DPP10: variants seen among roughly 807,000 people sequenced by gnomAD.
DPP10 encodes the protein inactive dipeptidyl peptidase 10.
Under a neutral mutation model 120.9 loss-of-function variants are expected in DPP10, and 33 were observed. The ratio of observed to expected loss-of-function variants is 0.27; its 90% CI spans 0.21 to 0.37. The LOEUF (loss-of-function observed/expected upper bound fraction) is 0.37, where lower values mean the gene tolerates loss of function less well. Among genes scored for constraint, DPP10 ranks in the 10% least tolerant of loss-of-function variants. DPP10 has a pLI of 1.00. For missense variants in DPP10, 816 were observed against 942.8 expected, an observed-to-expected ratio of 0.87 and a Z score of 1.76; for synonymous variants, 337 against 326.1, an observed-to-expected ratio of 1.03 and a Z score of -0.36.
At chr2:115,020,347 A>G (rs1702981506) in intron 1 of DPP10, among the ~76,000 whole-genome samples, 1 of 152,222 alleles carries the variant, frequency 6.6e-6, no homozygotes, top group South Asian at 2.1e-4. Context: ...ACCAAAAGTG[A>G]GCAGGAGTAG....
intron 3 of DPP10, among the ~76,000 whole-genome samples, chr2:115,486,407 G>T (rs1156822560): frequency 1.3e-5 from 2 of 152,154 alleles, no homozygotes; most frequent in Non-Finnish European, 2.9e-5. Flanking sequence ...ATGCAGTTTA[G>T]ATGTTACTTT....
At position 115,822,025 on chromosome 2, in the gene DPP10, C is replaced by T. The variant is rs547694745; in HGVS notation, c.1950+6296C>T. Among the ~76,000 whole-genome samples the T allele has an allele frequency of 1.1e-4, 17 of 152,032 alleles. 1 individual carries two copies. The highest frequency in any genetic ancestry group is 4.6e-4 in the Admixed American group (7 of 15,276). ...GAGAGTTTCATTTGTTCTACATTTACGCCAACACTTAATATCATCAGTCTT... is the reference window on the plus strand; with the variant it reads ...GAGAGTTTCATTTGTTCTACATTTATGCCAACACTTAATATCATCAGTCTT... On this transcript the variant is annotated intron_variant, in intron 21 of 25. Transcript: ENST00000410059.
chr2:115,729,602 A>AAAATTTTAAAATTTAAAAATT (rs1301872566), intron 8 of DPP10, among the ~76,000 whole-genome samples: 1 of 152,138 alleles, frequency 6.6e-6, no homozygotes, highest in African/African-American at 2.4e-5. Flanking sequence ...TTTCATTTCT[A>AAAATTTTAAAATTTAAAAATT]CTAAAAAATT....
intron 1 of DPP10, among the ~76,000 whole-genome samples, chr2:114,500,190 T>A (rs556421123): frequency 6.6e-6 from 1 of 152,248 alleles, no homozygotes; most frequent in Non-Finnish European, 1.5e-5. Flanking sequence ...AACAGAAGCC[T>A]GCCACACAGT....
At chr2:115,505,366 C>T (rs2148813800) in intron 4 of DPP10, among the ~76,000 whole-genome samples, 1 of 152,210 alleles carries the variant, frequency 6.6e-6, no homozygotes, top group East Asian at 1.9e-4. Context: ...TTGGTTCAAT[C>T]TTGTCTGACA....
At chr2:115,764,290 A>G (rs987748056) in intron 12 of DPP10, among the ~76,000 whole-genome samples, 1 of 152,152 alleles carries the variant, frequency 6.6e-6, no homozygotes, top group Non-Finnish European at 1.5e-5. Flanking sequence ...ATTATAAATA[A>G]TTGTTTGTCT....
Position 115,784,606 on chromosome 2 carries a change from T to C in DPP10, c.1531+2207T>C, listed in dbSNP as rs1683128735. On this transcript the variant is annotated intron_variant, in intron 17 of 25. Coordinates refer to ENST00000410059, the MANE Select transcript of DPP10 (RefSeq NM_020868.6). Reference sequence around the variant, plus strand: ...TGGAATGCAATGGTGTGATCTCAGCTCACCGCAACCTCCACCTCCCAGGTT... The same window carrying C: ...TGGAATGCAATGGTGTGATCTCAGCCCACCGCAACCTCCACCTCCCAGGTT... 3.3e-5 allele frequency among the ~76,000 whole-genome samples: 5 copies of C among 152,184 alleles called. No homozygotes were observed. The South Asian group carries it at 1.0e-3, about 31-fold the overall frequency.
chr2:114,633,307 A>AGTG (rs1366326987), intron 1 of DPP10, among the ~76,000 whole-genome samples: 1 of 122,480 alleles, frequency 8.2e-6, no homozygotes, highest in Non-Finnish European at 1.6e-5. Flanking sequence ...GCTGGAGTGC[A>AGTG]GTGGCACGAT....
At chr2:114,696,734 C>T (rs1327675949) in intron 1 of DPP10, among the ~76,000 whole-genome samples, 3 of 150,746 alleles carry the variant, frequency 2.0e-5, no homozygotes, top group South Asian at 2.1e-4. Flanking sequence ...TGTGTGTGTG[C>T]GCGCGTGCCA....
intron 2 of DPP10, among the ~76,000 whole-genome samples, chr2:115,314,222 C>T (rs1057013983): frequency 5.3e-5 from 8 of 152,178 alleles, no homozygotes; most frequent in African/African-American, 1.9e-4. Flanking sequence ...ATCTGCCATA[C>T]TGAAATAGCC....
At chr2:115,021,358 A>G (rs1237942643) in intron 1 of DPP10, among the ~76,000 whole-genome samples, 2 of 152,136 alleles carry the variant, frequency 1.3e-5, no homozygotes, top group African/African-American at 4.8e-5. Context: ...ACACAGAAAT[A>G]CAAAAGATTA....
intron 1 of DPP10, among the ~76,000 whole-genome samples, chr2:114,995,267 A>T (rs927064253): frequency 1.3e-5 from 2 of 152,372 alleles, no homozygotes; most frequent in Non-Finnish European, 1.5e-5. Flanking sequence ...GTGGCAATGC[A>T]TAACCAATAT....
chr2:115,708,711 A>G lies in DPP10; in HGVS notation c.576+18790A>G, dbSNP rs531542122. ...AACCTGTCCCTGAAAGCATAATGAC[A>G]TTTGTAAACATACTAATAATTCAGA... is the stretch of plus-strand genomic sequence containing the variant. On this transcript the variant is annotated intron_variant, in intron 7 of 25. Transcript: ENST00000410059. Among the ~76,000 whole-genome samples, 8 of 152,242 alleles carry G rather than the reference A, an allele frequency of 5.3e-5. No individual in the cohort carries two copies. The South Asian group carries it at 1.5e-3, about 28-fold the overall frequency.
At chr2:114,695,447 C>A (rs1700016532) in intron 1 of DPP10, among the ~76,000 whole-genome samples, 1 of 151,996 alleles carries the variant, frequency 6.6e-6, no homozygotes, top group Admixed American at 6.6e-5. Flanking sequence ...TCATCGATTC[C>A]TCTGGAAATT....
At chr2:114,891,552 A>C (rs1692546673) in intron 1 of DPP10, among the ~76,000 whole-genome samples, 1 of 152,250 alleles carries the variant, frequency 6.6e-6, no homozygotes, top group African/African-American at 2.4e-5. Flanking sequence ...TTGTCTTCAA[A>C]GATGTGGAAT....
intron 1 of DPP10, among the ~76,000 whole-genome samples, chr2:115,089,454 C>T (rs1398381017): frequency 2.0e-5 from 3 of 152,192 alleles, no homozygotes; most frequent in Non-Finnish European, 4.4e-5. Context: ...CCGTTTTCCA[C>T]AATGTTTATT....
intron 1 of DPP10, among the ~76,000 whole-genome samples, chr2:114,973,257 C>A (rs147458493): frequency 2.6e-5 from 4 of 151,940 alleles, no homozygotes; most frequent in Non-Finnish European, 5.9e-5. Flanking sequence ...AAGTATACCA[C>A]ATGCAATTAT....
At chr2:115,507,366 G>A (rs2077002950) in intron 4 of DPP10, among the ~76,000 whole-genome samples, 1 of 152,092 alleles carries the variant, frequency 6.6e-6, no homozygotes, top group South Asian at 2.1e-4. Context: ...TTGTCAGACT[G>A]ACAATAAATG....
At chr2:114,460,867 G>T (rs914278027) in intron 1 of DPP10, among the ~76,000 whole-genome samples, 4 of 152,136 alleles carry the variant, frequency 2.6e-5, no homozygotes, top group Non-Finnish European at 4.4e-5. Flanking sequence ...TTGATGAAAT[G>T]TTTCCTAACA....
Sources: gnomAD v4.1 joint callset for allele counts (sites outside exome capture counted in the v4.1 genomes callset) on GRCh38, gnomAD v4.1.1 for gene constraint, MANE v1.5 for transcripts, NCBI Gene and HGNC (gene_info 2026-07-23, HGNC 2026-07-21) for gene names.